UTP14C: variants seen among roughly 807,000 people sequenced by gnomAD.
UTP14C encodes the protein UTP14C small subunit processome component.
A neutral mutation model predicts 14.6 loss-of-function variants in UTP14C; 10 were observed. The ratio of observed to expected loss-of-function variants is 0.68; its 90% CI spans 0.42 to 1.16. The LOEUF (loss-of-function observed/expected upper bound fraction) is 1.16. Among genes scored for constraint, UTP14C ranks in the 50% most tolerant of loss-of-function variants. UTP14C has a pLI of 0.00. For missense variants in UTP14C, 818 were observed against 890.8 expected, an observed-to-expected ratio of 0.92 and a Z score of 1.04; for synonymous variants, 315 against 331.6, an observed-to-expected ratio of 0.95 and a Z score of 0.54.
chr13:52,026,791 T>C (rs1192274478), intron 1 of UTP14C, among the ~76,000 whole-genome samples: 1 of 152,124 alleles, frequency 6.6e-6, no homozygotes, highest in Non-Finnish European at 1.5e-5. Context: ...GAGGTAGTTT[T>C]GTATATAGGA....
In UTP14C at chr13:52,033,597, T is replaced by G. The variant is rs1182625309; in HGVS notation, c.*2492T>G. The G allele has an allele frequency of 6.0e-6, 1 of 166,804 alleles. No individual in the cohort carries two copies. The highest frequency in any genetic ancestry group is 1.5e-5 in the Non-Finnish European group (1 of 68,112). 10.3% of individuals were successfully genotyped at this position (166,804 alleles called of 1,614,324 possible). A position where few individuals can be genotyped will look rare whatever the true frequency, so the allele number is the denominator to read the frequency against. On this transcript the variant is annotated 3_prime_UTR_variant, in exon 2 of 2. Transcript: ENST00000521776. Reference sequence around the variant, plus strand: ...AAAAGTTTGTCTTGCTTGTGAAACATTAAGAAGAGGCTGTCAGGTTTAATA... The same window carrying G: ...AAAAGTTTGTCTTGCTTGTGAAACAGTAAGAAGAGGCTGTCAGGTTTAATA...
At position 52,029,575 on chromosome 13, in the gene UTP14C, A is replaced by G. The variant is rs1214446640; in HGVS notation, c.771A>G (p.Lys257=). 6.2e-7 allele frequency: 1 copy of G among 1,614,246 alleles called. No individual in the cohort carries two copies. The highest frequency in any genetic ancestry group is 1.3e-5 in the African/African-American group (1 of 75,064). The change falls in exon 2 of 2, where the codon AAA becomes AAG. Residue 257 remains lysine, a synonymous_variant. Coordinates refer to ENST00000521776, the MANE Select transcript of UTP14C (RefSeq NM_021645.6). ...AAAAGTATCACAAAGTCGTGAAGAA[A>G]GGAAAGGCCAAGAAAGCCTTAAAAG... ...KSKKYHKVVK[K]GKAKKALKEF...
rs1247450143 is a variant in UTP14C, at chr13:52,031,401, C to T, written c.*296C>T. Reference sequence around the variant, plus strand: ...GAAATTTTAAACAGACTTGTTTAATCGTGTTCTCAAAGCATACAGTCAAGA... The same window carrying T: ...GAAATTTTAAACAGACTTGTTTAATTGTGTTCTCAAAGCATACAGTCAAGA... On this transcript the variant is annotated 3_prime_UTR_variant, in exon 2 of 2. Coordinates refer to ENST00000521776, the MANE Select transcript of UTP14C (RefSeq NM_021645.6). 1.4e-5 allele frequency: 5 copies of T among 365,652 alleles called. No homozygotes were observed. Among genetic ancestry groups the T allele is most frequent in the East Asian group, 1.1e-4 (2 of 17,940 alleles). 22.7% of individuals were successfully genotyped at this position (365,652 alleles called of 1,614,324 possible).
Position 52,028,869 on chromosome 13 carries a change from CA to C in UTP14C, c.71del (p.Asn24ThrfsTer4). ...CACCAGGAAGAACTAGTGGATTTGC[CA>C]AAAAACTACCCCTTGAGTGAAAATG... is the stretch of plus-strand genomic sequence containing the variant. Reference protein sequence around the residue: ...LSHQEELVDLPKNYPLSENED... With the variant: ...LSHQEELVDLXKNYPLSENED... On this transcript the variant is annotated frameshift_variant, in exon 2 of 2. Transcript: ENST00000521776. LOFTEE classifies it low-confidence loss of function (END_TRUNC). 6.2e-7 allele frequency: 1 copy of C among 1,614,120 alleles called. No homozygotes were observed. The highest frequency in any genetic ancestry group is 8.5e-7 in the Non-Finnish European group (1 of 1,180,030).
rs1365474865 is a variant in UTP14C, at chr13:52,030,688, T to G, written c.1884T>G (p.Pro628=). The G allele has an allele frequency of 6.2e-7, 1 of 1,614,080 alleles. No homozygotes were observed. The highest frequency in any genetic ancestry group is 8.5e-7 in the Non-Finnish European group (1 of 1,180,026). ...SKPKDVDLTL[P]GWGEWGGVGL... is the part of the protein sequence containing the mutation. Reference sequence around the variant, plus strand: ...CAAAGGACGTGGACCTGACACTACCTGGCTGGGGCGAGTGGGGTGGTGTGG... The same window carrying G: ...CAAAGGACGTGGACCTGACACTACCGGGCTGGGGCGAGTGGGGTGGTGTGG... The change falls in exon 2 of 2, where the codon CCT becomes CCG. Residue 628 remains proline, a synonymous_variant. Transcript: ENST00000521776.
chr13:52,029,200 A>G lies in UTP14C; in HGVS notation c.396A>G (p.Ala132=). 1 of 1,614,232 alleles carries G rather than the reference A, an allele frequency of 6.2e-7. No homozygotes were observed. The highest frequency in any genetic ancestry group is 8.5e-7 in the Non-Finnish European group (1 of 1,180,050). The change falls in exon 2 of 2, where the codon GCA becomes GCG. Residue 132 remains alanine (A), a synonymous_variant. Coordinates refer to ENST00000521776, the MANE Select transcript of UTP14C (RefSeq NM_021645.6). ...TTGAACAGATCCACAGAGAAGTAGC[A>G]TTCAGTAAAACCTCACAGGTCCTCT... ...EKIEQIHREV[A]FSKTSQVLSK...
At chr13:52,027,142 G>A (rs1954249079) in intron 1 of UTP14C, among the ~76,000 whole-genome samples, 1 of 152,168 alleles carries the variant, frequency 6.6e-6, no homozygotes, top group Non-Finnish European at 1.5e-5. Context: ...GGGAGAAGTA[G>A]AAGCAAAAGT....
At position 52,029,720 on chromosome 13, in the gene UTP14C, A is replaced by G. The variant is rs745478124; in HGVS notation, c.916A>G (p.Lys306Glu). ...LKHQNSGKWA[K>E]SKAIMAKYDL... Reference sequence around the variant, plus strand: ...GCACCAAAACAGTGGGAAATGGGCCAAGTCAAAGGCAATTATGGCCAAATA... The same window carrying G: ...GCACCAAAACAGTGGGAAATGGGCCGAGTCAAAGGCAATTATGGCCAAATA... The change falls in exon 2 of 2, where the codon AAG becomes GAG. Residue 306 changes from lysine to glutamate, a missense_variant. Physicochemically the swap from Lys to Glu is moderately conservative, Grantham distance 56 (BLOSUM62 1). Coordinates refer to ENST00000521776, the MANE Select transcript of UTP14C (RefSeq NM_021645.6). The G allele has an allele frequency of 1.0e-4, 164 of 1,614,144 alleles. No homozygotes were observed. The highest frequency in any genetic ancestry group is 1.4e-4 in the Non-Finnish European group (162 of 1,180,060).
chr13:52,028,188 A>G, intron 1 of UTP14C, 131 bp from the exon 2 acceptor site: 1 of 1,063,666 alleles, frequency 9.4e-7, no homozygotes. Flanking sequence ...TGAATAAGCA[A>G]ATGTCTAGAC....
intron 1 of UTP14C, among the ~76,000 whole-genome samples, chr13:52,026,917 T>C (rs9526823): frequency 0.62 from 94,360 of 151,750 alleles, 30,205 homozygotes; most frequent in Non-Finnish European, 0.7. Context: ...ATGTACAGAG[T>C]GAAAAGAGGC....
In UTP14C at chr13:52,028,378, A is replaced by T. The variant is rs1466791575; in HGVS notation, c.-427A>T. 2.5e-6 allele frequency: 4 copies of T among 1,614,010 alleles called. No homozygotes were observed. The highest frequency in any genetic ancestry group is 3.4e-6 in the Non-Finnish European group (4 of 1,180,028). ...CCTTGCACACAATTCGGGGGGCCCA[A>T]AGCTTGACATTGTGGTTCCTCACGA... On this transcript the variant is annotated 5_prime_UTR_variant, in exon 2 of 2. It introduces an in-frame stop codon into an upstream open reading frame of the 5' UTR. Transcript: ENST00000521776.
At chr13:52,025,485 T>C (rs1045022614) in intron 1 of UTP14C, among the ~76,000 whole-genome samples, 2 of 152,232 alleles carry the variant, frequency 1.3e-5, no homozygotes, top group African/African-American at 2.4e-5. Context: ...GATTCTGTTA[T>C]GCATCAAAAG....
chr13:52,028,958 C>T lies in UTP14C; in HGVS notation c.154C>T (p.Leu52Phe). The T allele has an allele frequency of 1.2e-6, 2 of 1,614,206 alleles. No homozygotes were observed. The highest frequency in any genetic ancestry group is 1.7e-6 in the Non-Finnish European group (2 of 1,180,036). ...AAAGCTTCTGGAAGCAATCATTTCCCTTGATGGAAAGAATAGGCGGAAATT... is the reference window on the plus strand; with the variant it reads ...AAAGCTTCTGGAAGCAATCATTTCCTTTGATGGAAAGAATAGGCGGAAATT... ...HQKLLEAIIS[L>F]DGKNRRKLAE... The change falls in exon 2 of 2, where the codon CTT (leucine) becomes TTT (phenylalanine). Residue 52 changes from leucine to phenylalanine, a missense_variant. Physicochemically the swap from Leu to Phe is conservative, Grantham distance 22 (BLOSUM62 0). Transcript: ENST00000521776.
At position 52,028,793 on chromosome 13, in the gene UTP14C, C is replaced by T; in HGVS notation, c.-12C>T. On this transcript the variant is annotated 5_prime_UTR_variant, in exon 2 of 2. Transcript: ENST00000521776. ...CCATTCTTGGTATACATGAGAGAGGCTGGCTGCTGAGATGAATGTGAACCA... is the reference window on the plus strand; with the variant it reads ...CCATTCTTGGTATACATGAGAGAGGTTGGCTGCTGAGATGAATGTGAACCA... The T allele has an allele frequency of 6.2e-7, 1 of 1,614,180 alleles. No homozygotes were observed. Among genetic ancestry groups the T allele is most frequent in the Admixed American group, 1.7e-5 (1 of 60,012 alleles).
intron 1 of UTP14C, 56 bp from the exon 2 acceptor site, chr13:52,028,263 C>T: frequency 6.2e-7 from 1 of 1,606,676 alleles, no homozygotes; most frequent in South Asian, 1.1e-5. Flanking sequence ...CATCCTCATT[C>T]TTATGAACAC....
Position 52,031,412 on chromosome 13 carries a change from A to G in UTP14C, c.*307A>G. 2.9e-6 allele frequency: 1 copy of G among 339,110 alleles called. No homozygotes were observed. The allele number at this position is 339,110 out of a possible 1,614,324, so 21.0% of individuals were successfully genotyped here. ...CAGACTTGTTTAATCGTGTTCTCAA[A>G]GCATACAGTCAAGAGGTGGGACTGA... is the stretch of plus-strand genomic sequence containing the variant. On this transcript the variant is annotated 3_prime_UTR_variant, in exon 2 of 2. Coordinates refer to ENST00000521776, the MANE Select transcript of UTP14C (RefSeq NM_021645.6).
intron 1 of UTP14C, among the ~76,000 whole-genome samples, chr13:52,025,195 C>T (rs954105437): frequency 7.9e-5 from 12 of 152,138 alleles, no homozygotes; most frequent in Middle Eastern, 3.2e-3. Flanking sequence ...TTTCTAAACC[C>T]GTTTGATAGG....
rs1487169075 is a variant in UTP14C, at chr13:52,032,722, T to C, written c.*1617T>C. 6.0e-6 allele frequency: 1 copy of C among 167,100 alleles called. No individual in the cohort carries two copies. The highest frequency in any genetic ancestry group is 1.5e-5 in the Non-Finnish European group (1 of 68,116). The allele number at this position is 167,100 out of a possible 1,614,324, so 10.4% of individuals were successfully genotyped here. ...CACCATTGTAACTTTTTGTTAGAGA[T>C]GATCCCATTTAGAAAAAGACTGGTA... is the stretch of plus-strand genomic sequence containing the variant. On this transcript the variant is annotated 3_prime_UTR_variant, in exon 2 of 2. Coordinates refer to ENST00000521776, the MANE Select transcript of UTP14C (RefSeq NM_021645.6).
At chr13:52,025,667 A>G (rs372706910) in intron 1 of UTP14C, among the ~76,000 whole-genome samples, 3 of 152,206 alleles carry the variant, frequency 2.0e-5, no homozygotes, top group East Asian at 3.8e-4. Context: ...ACAAACTGCT[A>G]TCTCTATTCT....
Sources: allele counts gnomAD v4.1 joint callset (sites outside exome capture counted in the v4.1 genomes callset), GRCh38; gene constraint gnomAD v4.1.1; transcripts MANE v1.5; gene names NCBI Gene and HGNC (gene_info 2026-07-23, HGNC 2026-07-21).